SHC3: variants seen among roughly 807,000 people sequenced by gnomAD.
The protein encoded by SHC3 is SHC-transforming protein 3.
Under a neutral mutation model 60.4 loss-of-function variants are expected in SHC3, and 15 were observed. The ratio of observed to expected loss-of-function variants is 0.25; its 90% CI spans 0.17 to 0.38. The LOEUF (loss-of-function observed/expected upper bound fraction) is 0.38. SHC3 is among the 10% of genes least tolerant of loss of function. The pLI is 1.00. For missense variants in SHC3, 677 were observed against 786.1 expected, an observed-to-expected ratio of 0.86 and a Z score of 1.66; for synonymous variants, 294 against 325.9, an observed-to-expected ratio of 0.90 and a Z score of 1.05.
intron 2 of SHC3, among the ~76,000 whole-genome samples, chr9:89,107,602 C>T (rs1825882279): frequency 6.6e-6 from 1 of 152,228 alleles, no homozygotes; most frequent in African/African-American, 2.4e-5. Context: ...CACCCCTCTG[C>T]AGGTGCAGGC....
intron 2 of SHC3, among the ~76,000 whole-genome samples, chr9:89,086,549 A>G (rs1170630997): frequency 1.3e-5 from 2 of 152,246 alleles, no homozygotes; most frequent in Non-Finnish European, 2.9e-5. Flanking sequence ...TTAGCTGTCT[A>G]GCAGCTCACT....
intron 7 of SHC3, 146 bp downstream of exon 7, chr9:89,051,891 T>C (rs1824867538): frequency 1.8e-6 from 2 of 1,139,334 alleles, no homozygotes. Flanking sequence ...CTGTGCCATA[T>C]CCCAGCACCG....
chr9:89,149,411 T>C (rs1330062388), intron 1 of SHC3, among the ~76,000 whole-genome samples: 1 of 152,202 alleles, frequency 6.6e-6, no homozygotes, highest in Admixed American at 6.5e-5. Flanking sequence ...AATTTTAATG[T>C]CCCATCCTTT....
Position 89,165,323 on chromosome 9 carries a change from T to C in SHC3, c.474+12664A>G, listed in dbSNP as rs28587253. 6.0e-3 allele frequency among the ~76,000 whole-genome samples: 918 copies of C among 152,030 alleles called. 9 individuals are homozygous for C. Among genetic ancestry groups the C allele is most frequent in the African/African-American group, 0.021 (859 of 41,440 alleles). On this transcript the variant is annotated intron_variant, in intron 1 of 11. Coordinates refer to ENST00000375835, the MANE Select transcript of SHC3 (RefSeq NM_016848.6). ...TGGAAATATAAGTAGCAGATCATTT[T>C]TGGGGATTATCTCTGAGAAGAATAA... is the stretch of plus-strand genomic sequence containing the variant.
chr9:89,167,522 G>T (rs1332226979), intron 1 of SHC3, among the ~76,000 whole-genome samples: 1 of 152,158 alleles, frequency 6.6e-6, no homozygotes, highest in African/African-American at 2.4e-5. Flanking sequence ...GAAGCAGGAG[G>T]GAATCAGGGG....
intron 2 of SHC3, among the ~76,000 whole-genome samples, chr9:89,095,396 A>G (rs1182799395): frequency 6.6e-6 from 1 of 152,236 alleles, no homozygotes; most frequent in Non-Finnish European, 1.5e-5. Flanking sequence ...TGAGGATGCT[A>G]GAGCAGTCAA....
At chr9:89,147,826 T>C (rs1159627610) in intron 1 of SHC3, among the ~76,000 whole-genome samples, 1 of 152,036 alleles carries the variant, frequency 6.6e-6, no homozygotes, top group African/African-American at 2.4e-5. Flanking sequence ...ACACCCCAGC[T>C]CACCTCCGAA....
intron 11 of SHC3, among the ~76,000 whole-genome samples, chr9:89,028,668 C>A (rs1824414485): frequency 7.0e-6 from 1 of 143,024 alleles, no homozygotes; most frequent in Non-Finnish European, 1.5e-5. Flanking sequence ...ATAGATATAG[C>A]TATCTATATA....
At chr9:89,071,614 C>G (rs1825273048) in intron 4 of SHC3, among the ~76,000 whole-genome samples, 1 of 152,080 alleles carries the variant, frequency 6.6e-6, no homozygotes. Flanking sequence ...TATAGAGCAC[C>G]CTTAACATAA....
At chr9:89,038,816 G>T (rs1248185811) in intron 10 of SHC3, among the ~76,000 whole-genome samples, 2 of 152,354 alleles carry the variant, frequency 1.3e-5, no homozygotes, top group South Asian at 4.1e-4. Flanking sequence ...AAGCTGACGG[G>T]TGTTGGGTTC....
rs1824612943 is a variant in SHC3, at chr9:89,038,069, T to G, written c.1580A>C (p.Asn527Thr). The change falls in exon 11 of 12, where the codon AAC becomes ACC. Residue 527 changes from asparagine (N) to threonine (T), a missense_variant. Physicochemically the swap from Asn to Thr is moderately conservative, Grantham distance 65. Coordinates refer to ENST00000375835, the MANE Select transcript of SHC3 (RefSeq NM_016848.6). ...GDFLVRKSTT[N>T]PGSFVLTGMH... Reference sequence around the variant, plus strand: ...GCCCGTGAGGACAAAGGAGCCCGGGTTGGTGGTGCTCTTCCTGACCAGGAA... The same window carrying G: ...GCCCGTGAGGACAAAGGAGCCCGGGGTGGTGGTGCTCTTCCTGACCAGGAA... 1 of 1,613,576 alleles carries G rather than the reference T, an allele frequency of 6.2e-7. No individual in the cohort carries two copies. Among genetic ancestry groups the G allele is most frequent in the Non-Finnish European group, 8.5e-7 (1 of 1,179,930 alleles).
At chr9:89,085,993 G>T (rs749837455) in intron 2 of SHC3, among the ~76,000 whole-genome samples, 3 of 152,182 alleles carry the variant, frequency 2.0e-5, no homozygotes, top group Admixed American at 1.3e-4. Flanking sequence ...AACGTGCAGT[G>T]GGGGCTTTCT....
At position 89,083,367 on chromosome 9, in the gene SHC3, G is replaced by A. The variant is rs573339030; in HGVS notation, c.546-5464C>T. 2.3e-4 allele frequency among the ~76,000 whole-genome samples: 35 copies of A among 152,358 alleles called. No individual in the cohort carries two copies. The South Asian group carries it at 5.8e-3, about 25-fold the overall frequency. On this transcript the variant is annotated intron_variant, in intron 2 of 11. Transcript: ENST00000375835. ...ACAAACTGGAGCCCAGACCAGGAAG[G>A]AGCACAGCAGGACAGTGGACGTGCA...
At chr9:89,108,561 A>ACC (rs1825899975) in intron 2 of SHC3, among the ~76,000 whole-genome samples, 1 of 151,964 alleles carries the variant, frequency 6.6e-6, no homozygotes, top group African/African-American at 2.4e-5. Flanking sequence ...ACACACACAC[A>ACC]TACACACATA....
intron 10 of SHC3, among the ~76,000 whole-genome samples, chr9:89,040,028 G>A (rs1299535558): frequency 2.2e-5 from 3 of 134,112 alleles, no homozygotes; most frequent in Admixed American, 7.4e-5. Context: ...ACCACCATCG[G>A]CATCACCACC....
At chr9:89,147,296 T>A (rs1029639622) in intron 1 of SHC3, among the ~76,000 whole-genome samples, 5 of 152,212 alleles carry the variant, frequency 3.3e-5, no homozygotes, top group Admixed American at 1.3e-4. Context: ...AGTGAGGTTC[T>A]ACATTCACTG....
chr9:89,128,237 A>C (rs563281248), intron 1 of SHC3, among the ~76,000 whole-genome samples: 1 of 152,314 alleles, frequency 6.6e-6, no homozygotes, highest in South Asian at 2.1e-4. Context: ...TTGTCTTCAA[A>C]ATTTAGACAT....
intron 10 of SHC3, among the ~76,000 whole-genome samples, chr9:89,040,222 C>CCT: frequency 6.9e-6 from 1 of 144,610 alleles, no homozygotes. Context: ...ATCATCATCA[C>CCT]CACCACCATC....
At chr9:89,058,048 G>T (rs990574667) in intron 6 of SHC3, among the ~76,000 whole-genome samples, 8 of 152,252 alleles carry the variant, frequency 5.3e-5, no homozygotes, top group African/African-American at 1.7e-4. Flanking sequence ...CTCCCCTAGA[G>T]CATGGCTCTG....
Sources: gnomAD v4.1 joint callset for allele counts (sites outside exome capture counted in the v4.1 genomes callset) on GRCh38, gnomAD v4.1.1 for gene constraint, MANE v1.5 for transcripts, NCBI Gene and HGNC (gene_info 2026-07-23, HGNC 2026-07-21) for gene names.